The following NPC1 variants were observed in gnomAD, a reference collection of about 807,000 sequenced individuals.
NPC1 encodes NPC intracellular cholesterol transporter 1, also known as Niemann-Pick C1 protein.
In NPC1, 85 loss-of-function variants were observed where a neutral mutation model predicts 140.4. The observed-to-expected ratio is 0.61, with a 90% CI of 0.51 to 0.72. The LOEUF (loss-of-function observed/expected upper bound fraction) is 0.72. Among genes scored for constraint, NPC1 ranks in the 30% least tolerant of loss-of-function variants. NPC1 has a pLI of 0.00. For missense variants in NPC1, 1,504 were observed against 1,623.8 expected, an observed-to-expected ratio of 0.93 and a Z score of 1.27; for synonymous variants, 656 against 624.8, an observed-to-expected ratio of 1.05 and a Z score of -0.74.
intron 9 of NPC1, among the ~76,000 whole-genome samples, chr18:23,553,212 A>G (rs1459686943): frequency 6.6e-6 from 1 of 152,254 alleles, no homozygotes; most frequent in Non-Finnish European, 1.5e-5. Flanking sequence ...TCTGTCCCCC[A>G]TCATTTTTGT....
chr18:23,515,947 T>G, intron 3 of NPC1: 1 of 1,614,212 alleles, frequency 6.2e-7, no homozygotes, highest in Non-Finnish European at 8.5e-7. Context: ...GCCGTGATCT[T>G]GCTGTCTACC....
chr18:23,579,977 T>C (rs866502195), intron 1 of NPC1, among the ~76,000 whole-genome samples: 5 of 152,262 alleles, frequency 3.3e-5, no homozygotes, highest in Middle Eastern at 3.4e-3. Flanking sequence ...CACACATTAT[T>C]ATCAGAAAAG....
intron 21 of NPC1, 140 bp downstream of exon 21, chr18:23,536,533 A>G (rs2058633457): frequency 4.3e-6 from 3 of 704,506 alleles, no homozygotes; most frequent in Non-Finnish European, 2.5e-6. Flanking sequence ...ATTTCCTTTG[A>G]TATACTGCCC....
At chr18:23,573,654 A>AT in intron 1 of NPC1, 80 bp from the exon 2 acceptor site, 1 of 1,564,948 alleles carries the variant, frequency 6.4e-7, no homozygotes, top group East Asian at 2.2e-5. Context: ...CTCAAGTACA[A>AT]TCACAGAAAC....
At chr18:23,572,206 G>C in intron 2 of NPC1, 26 bp from the exon 3 acceptor site, 1 of 1,500,834 alleles carries the variant, frequency 6.7e-7, no homozygotes, top group East Asian at 2.3e-5. Context: ...GCACAGACAC[G>C]GGAGTAGGCA....
downstream of NPC1, chr18:23,529,787 A>G: frequency 1.4e-6 from 2 of 1,399,320 alleles, no homozygotes; most frequent in Middle Eastern, 1.8e-4. Context: ...GTCTTAGAAG[A>G]TGACTCATAT....
chr18:23,577,774 C>T (rs1319788783), intron 1 of NPC1, among the ~76,000 whole-genome samples: 2 of 152,222 alleles, frequency 1.3e-5, no homozygotes, highest in South Asian at 2.1e-4. Flanking sequence ...AGCCCTGCCC[C>T]GTGGGAAGGC....
At chr18:23,570,625 A>G (rs2059187775) in intron 3 of NPC1, among the ~76,000 whole-genome samples, 1 of 152,202 alleles carries the variant, frequency 6.6e-6, no homozygotes, top group Non-Finnish European at 1.5e-5. Flanking sequence ...TCCCTTTTTA[A>G]TATTTGCTTC....
intron 3 of NPC1, among the ~76,000 whole-genome samples, chr18:23,569,639 A>G (rs900974695): frequency 1.3e-5 from 2 of 152,204 alleles, no homozygotes; most frequent in African/African-American, 4.8e-5. Flanking sequence ...GATTAAGAAG[A>G]AAATAAAATA....
chr18:23,551,131 G>A (rs543551581), intron 10 of NPC1, among the ~76,000 whole-genome samples: 1 of 152,124 alleles, frequency 6.6e-6, no homozygotes, highest in Admixed American at 6.5e-5. Context: ...CAGGAACCAG[G>A]AAAGAGCAAA....
downstream of NPC1, chr18:23,518,979 G>A: frequency 1.2e-6 from 2 of 1,614,066 alleles, no homozygotes; most frequent in Non-Finnish European, 1.7e-6. Flanking sequence ...CATCTACCAC[G>A]GTAGATTTCA....
downstream of NPC1, chr18:23,530,237 G>C: frequency 6.2e-7 from 1 of 1,614,178 alleles, no homozygotes; most frequent in Non-Finnish European, 8.5e-7. Context: ...AGGCTTGTCT[G>C]CTGTTATCCC....
chr18:23,540,403 T>G (rs375625929), intron 17 of NPC1, 45 bp downstream of exon 17: 16 of 1,215,600 alleles, frequency 1.3e-5, no homozygotes, highest in Non-Finnish European at 1.9e-5. Context: ...GTATTCATCA[T>G]CAGCTAAAGA....
chr18:23,556,391 T>G lies in NPC1; in HGVS notation c.1178A>C (p.Glu393Ala). 1.2e-6 allele frequency: 2 copies of G among 1,614,176 alleles called. No individual in the cohort carries two copies. The highest frequency in any genetic ancestry group is 1.1e-5 in the South Asian group (1 of 91,082). Residue 393 changes from glutamate to alanine, a missense_variant, in exon 8 of 25, where the codon GAG (glutamate) becomes GCG (alanine). Glu to Ala is a moderately radical substitution (Grantham distance 107). Transcript: ENST00000269228. ...APSSQARLEKEYFDQHFGPFF... is the reference protein window; with the variant it reads ...APSSQARLEKAYFDQHFGPFF... ...AGGCCCAAAGTGCTGGTCAAAGTACTCTTTTTCCAGGCGAGCCTGGCTGCT... is the reference window on the plus strand; with the variant it reads ...AGGCCCAAAGTGCTGGTCAAAGTACGCTTTTTCCAGGCGAGCCTGGCTGCT...
At chr18:23,513,669 A>T (rs970350910) in intron 3 of NPC1, among the ~76,000 whole-genome samples, 3 of 152,214 alleles carry the variant, frequency 2.0e-5, no homozygotes, top group Non-Finnish European at 4.4e-5. Flanking sequence ...CAAGTGTACA[A>T]GGGTCCCAGT....
At chr18:23,516,135 T>C in intron 3 of NPC1, 1 of 1,381,360 alleles carries the variant, frequency 7.2e-7, no homozygotes, top group East Asian at 2.3e-5. Context: ...GGGCACTCTG[T>C]ATACCCGTCA....
At chr18:23,565,181 A>G (rs1249049222) in intron 4 of NPC1, among the ~76,000 whole-genome samples, 1 of 152,208 alleles carries the variant, frequency 6.6e-6, no homozygotes, top group Non-Finnish European at 1.5e-5. Context: ...CAGCTTGTCA[A>G]TTTCCACAAA....
At chr18:23,566,897 C>T (rs2059134078) in intron 4 of NPC1, among the ~76,000 whole-genome samples, 1 of 152,178 alleles carries the variant, frequency 6.6e-6, no homozygotes, top group Non-Finnish European at 1.5e-5. Flanking sequence ...CACGGTTTTG[C>T]CTTTTGTAGA....
intron 3 of NPC1, among the ~76,000 whole-genome samples, chr18:23,515,616 C>T (rs1281510566): frequency 3.3e-5 from 5 of 152,166 alleles, no homozygotes; most frequent in Non-Finnish European, 7.3e-5. Flanking sequence ...GCAACCTCTG[C>T]CTCCTGGGTT....
Sources: gnomAD v4.1 joint callset for allele counts (sites outside exome capture counted in the v4.1 genomes callset) on GRCh38, gnomAD v4.1.1 for gene constraint, MANE v1.5 for transcripts, NCBI Gene and HGNC (gene_info 2026-07-23, HGNC 2026-07-21) for gene names.